The following ST6GALNAC3 variants were observed in gnomAD, a reference collection of about 807,000 sequenced individuals.
The protein encoded by ST6GALNAC3 is ST6 N-acetylgalactosaminide alpha-2,6-sialyltransferase 3, also known as alpha-N-acetylgalactosaminide alpha-2,6-sialyltransferase 3.
In ST6GALNAC3, 25 loss-of-function variants were observed where a neutral mutation model predicts 32.7. The ratio of observed to expected loss-of-function variants is 0.76; its 90% CI spans 0.56 to 1.07. ST6GALNAC3 has a LOEUF of 1.07. ST6GALNAC3 is among the 50% of genes least tolerant of loss of function. ST6GALNAC3 has a pLI of 0.00. For missense variants in ST6GALNAC3, 355 were observed against 382.4 expected, an observed-to-expected ratio of 0.93 and a Z score of 0.60; for synonymous variants, 129 against 133.1, an observed-to-expected ratio of 0.97 and a Z score of 0.21.
intron 3 of ST6GALNAC3, among the ~76,000 whole-genome samples, chr1:76,457,259 G>A (rs1221978806): frequency 2.6e-5 from 4 of 152,116 alleles, no homozygotes; most frequent in South Asian, 2.1e-4. Context: ...AATCAATATC[G>A]TGAAAATGGC....
At chr1:76,205,976 C>A (rs1478353754) in intron 1 of ST6GALNAC3, among the ~76,000 whole-genome samples, 2 of 152,196 alleles carry the variant, frequency 1.3e-5, no homozygotes, top group African/African-American at 4.8e-5. Flanking sequence ...TACATTACTT[C>A]ACTCTTCAGA....
chr1:76,341,678 T>TTTCTTTCCTTCC (rs1421303857), intron 2 of ST6GALNAC3, among the ~76,000 whole-genome samples: 5 of 121,202 alleles, frequency 4.1e-5, no homozygotes, highest in African/African-American at 1.1e-4. Context: ...TCTTTCTTTC[T>TTTCTTTCCTTCC]TTCCTTCTTT....
intron 1 of ST6GALNAC3, among the ~76,000 whole-genome samples, chr1:76,156,415 C>T (rs1651427175): frequency 6.6e-6 from 1 of 152,144 alleles, no homozygotes; most frequent in South Asian, 2.1e-4. Context: ...AATTTCTCTG[C>T]ACAGAAAATT....
intron 1 of ST6GALNAC3, among the ~76,000 whole-genome samples, chr1:76,256,279 G>T (rs913641528): frequency 6.6e-6 from 1 of 152,038 alleles, no homozygotes; most frequent in Non-Finnish European, 1.5e-5. Context: ...TGGAATAGTC[G>T]TTTCTAAATA....
chr1:76,299,098 T>C (rs1238884530), intron 1 of ST6GALNAC3, among the ~76,000 whole-genome samples: 1 of 152,068 alleles, frequency 6.6e-6, no homozygotes, highest in Non-Finnish European at 1.5e-5. Flanking sequence ...GCCACCTTCA[T>C]GCTTTGAAAA....
At chr1:76,440,043 C>G (rs1342779163) in intron 3 of ST6GALNAC3, among the ~76,000 whole-genome samples, 1 of 152,196 alleles carries the variant, frequency 6.6e-6, no homozygotes, top group South Asian at 2.1e-4. Flanking sequence ...TTCAAACAGA[C>G]CCTGACATCT....
chr1:76,549,725 G>A (rs901830055), intron 3 of ST6GALNAC3, among the ~76,000 whole-genome samples: 6 of 152,214 alleles, frequency 3.9e-5, no homozygotes, highest in African/African-American at 1.4e-4. Flanking sequence ...TAAATTTACA[G>A]GGGGAAGGAG....
chr1:76,372,278 T>A (rs920132176), intron 2 of ST6GALNAC3, among the ~76,000 whole-genome samples: 10 of 152,110 alleles, frequency 6.6e-5, no homozygotes, highest in African/African-American at 2.4e-4. Flanking sequence ...TCAGTTTTTT[T>A]AATGTAAATT....
chr1:76,137,760 A>G (rs1650042553), intron 1 of ST6GALNAC3, among the ~76,000 whole-genome samples: 1 of 152,206 alleles, frequency 6.6e-6, no homozygotes, highest in Admixed American at 6.5e-5. Context: ...AACCCTTCCA[A>G]GAGATTCTAT....
chr1:76,569,420 A>G (rs1271730318), intron 3 of ST6GALNAC3, among the ~76,000 whole-genome samples: 1 of 152,192 alleles, frequency 6.6e-6, no homozygotes, highest in Non-Finnish European at 1.5e-5. Context: ...GTGAGCTGAG[A>G]GAACTAAAGA....
intron 3 of ST6GALNAC3, among the ~76,000 whole-genome samples, chr1:76,582,048 T>C (rs1646898984): frequency 6.6e-6 from 1 of 152,158 alleles, no homozygotes; most frequent in Non-Finnish European, 1.5e-5. Flanking sequence ...TTGAGAGGGC[T>C]AATTGATAAG....
chr1:76,347,256 A>G (rs183668187), intron 2 of ST6GALNAC3, among the ~76,000 whole-genome samples: 264 of 152,272 alleles, frequency 1.7e-3, no homozygotes, highest in Non-Finnish European at 2.9e-3. Context: ...GTAGAGAATA[A>G]AATGTTAGGA....
intron 3 of ST6GALNAC3, among the ~76,000 whole-genome samples, chr1:76,541,279 A>G (rs1663971393): frequency 6.6e-6 from 1 of 152,086 alleles, no homozygotes; most frequent in African/African-American, 2.4e-5. Context: ...CCTCCGGGGG[A>G]GTATGGAACG....
intron 2 of ST6GALNAC3, among the ~76,000 whole-genome samples, chr1:76,380,578 G>C (rs1651623922): frequency 6.6e-6 from 1 of 152,046 alleles, no homozygotes; most frequent in South Asian, 2.1e-4. Flanking sequence ...ACCAACAGTA[G>C]AATAGATAAA....
intron 3 of ST6GALNAC3, among the ~76,000 whole-genome samples, chr1:76,523,777 A>T (rs148805706): frequency 1.6e-3 from 250 of 152,240 alleles, no homozygotes; most frequent in African/African-American, 5.8e-3. Flanking sequence ...ATATTTGGCA[A>T]ATATTTTGAG....
At chr1:76,256,984 C>T (rs527606360) in intron 1 of ST6GALNAC3, among the ~76,000 whole-genome samples, 1 of 152,244 alleles carries the variant, frequency 6.6e-6, no homozygotes, top group East Asian at 1.9e-4. Context: ...TGATGAATCT[C>T]CAAATCTCAG....
At chr1:76,496,597 A>G (rs1660861713) in intron 3 of ST6GALNAC3, among the ~76,000 whole-genome samples, 1 of 152,122 alleles carries the variant, frequency 6.6e-6, no homozygotes, top group African/African-American at 2.4e-5. Flanking sequence ...GGGGTCATAC[A>G]GAAACTGCCT....
At chr1:76,564,546 C>G (rs1292113059) in intron 3 of ST6GALNAC3, among the ~76,000 whole-genome samples, 3 of 150,576 alleles carry the variant, frequency 2.0e-5, no homozygotes, top group Non-Finnish European at 2.9e-5. Flanking sequence ...GACAACAAAC[C>G]AGGCTCAAAT....
chr1:76,551,476 T>C (rs1232860383), intron 3 of ST6GALNAC3, among the ~76,000 whole-genome samples: 1 of 152,214 alleles, frequency 6.6e-6, no homozygotes, highest in African/African-American at 2.4e-5. Flanking sequence ...GTGAATAAGA[T>C]TTTTTTCATC....
Sources: allele counts gnomAD v4.1 joint callset (sites outside exome capture counted in the v4.1 genomes callset), GRCh38; gene constraint gnomAD v4.1.1; transcripts MANE v1.5; gene names NCBI Gene and HGNC (gene_info 2026-07-23, HGNC 2026-07-21).